Variants in LZTFL1 observed in about 807,000 individuals in gnomAD.
The protein encoded by LZTFL1 is leucine zipper transcription factor-like protein 1.
Under a neutral mutation model 45.9 loss-of-function variants are expected in LZTFL1, and 25 were observed. That is an observed-to-expected ratio of 0.54 (90% CI 0.40 to 0.76). LZTFL1 has a LOEUF of 0.76. Ranked by LOEUF, LZTFL1 falls within the 30% of genes least tolerant of loss-of-function variation. LZTFL1 has a pLI of 0.00. For missense variants in LZTFL1, 277 were observed against 331.1 expected (o/e 0.84, Z 1.27); for synonymous variants, 93 against 117.4 (o/e 0.79, Z 1.35).
chr3:45,894,054 C>T lies in LZTFL1; in HGVS notation c.-215+19066G>A, dbSNP rs182337599. Among the ~76,000 whole-genome samples, 7 of 152,254 alleles carry T rather than the reference C, an allele frequency of 4.6e-5. No homozygotes were observed. The East Asian group carries it at 1.3e-3, about 29-fold the overall frequency. On this transcript the variant is annotated intron_variant, in intron 2 of 4. Transcript: ENST00000472635. ...TGGACAGGTTTCCTTGAAATGTACTCGCTAAGGGTATAAAAGGAAATGCCC... is the reference window on the plus strand; with the variant it reads ...TGGACAGGTTTCCTTGAAATGTACTTGCTAAGGGTATAAAAGGAAATGCCC...
chr3:45,871,745 T>C (rs567102390), intron 2 of LZTFL1, among the ~76,000 whole-genome samples: 1 of 152,184 alleles, frequency 6.6e-6, no homozygotes, highest in Non-Finnish European at 1.5e-5. Context: ...CCCCAAAGAT[T>C]GCAAAGGCAA....
At chr3:45,885,359 T>C (rs1575288837) in intron 2 of LZTFL1, among the ~76,000 whole-genome samples, 2 of 152,236 alleles carry the variant, frequency 1.3e-5, no homozygotes, top group East Asian at 3.8e-4. Flanking sequence ...TAGCAGTGGA[T>C]GGGAAGACTT....
chr3:45,880,974 A>G (rs1701846950), intron 2 of LZTFL1, among the ~76,000 whole-genome samples: 1 of 152,228 alleles, frequency 6.6e-6, no homozygotes, highest in African/African-American at 2.4e-5. Flanking sequence ...CTTGACAAGT[A>G]CATGTTGAAT....
intron 2 of LZTFL1, among the ~76,000 whole-genome samples, chr3:45,865,997 A>C (rs1259441818): frequency 6.6e-6 from 1 of 152,270 alleles, no homozygotes; most frequent in Non-Finnish European, 1.5e-5. Flanking sequence ...ACGTGAATGC[A>C]TCTCAAAATG....
intron 2 of LZTFL1, among the ~76,000 whole-genome samples, chr3:45,899,262 C>T (rs1559425838): frequency 1.3e-5 from 2 of 152,172 alleles, no homozygotes; most frequent in East Asian, 1.9e-4. Context: ...AAGGAATATG[C>T]AAAGATTCTC....
chr3:45,897,640 T>C, intron 2 of LZTFL1: 1 of 1,527,668 alleles, frequency 6.5e-7, no homozygotes, highest in Non-Finnish European at 8.8e-7. Context: ...AGCCCAGGAC[T>C]AACACAGCTA....
chr3:45,906,616 T>C (rs1469187097), intron 2 of LZTFL1, among the ~76,000 whole-genome samples: 2 of 152,200 alleles, frequency 1.3e-5, no homozygotes, highest in African/African-American at 4.8e-5. Flanking sequence ...GACTCCCTTC[T>C]TCAAAAGTGC....
chr3:45,824,790 T>C lies in LZTFL1; in HGVS notation c.*1524A>G. The C allele has an allele frequency of 5.0e-6, 2 of 398,276 alleles. No individual in the cohort carries two copies. Among genetic ancestry groups the C allele is most frequent in the East Asian group, 3.6e-5 (1 of 28,046 alleles). 24.7% of individuals were successfully genotyped at this position (398,276 alleles called of 1,614,324 possible). ...AATGGATTTTTGGAGAGAGTGTCAA[T>C]TTAGGGCTAAAGAAATACAGGGTGA... On this transcript the variant is annotated 3_prime_UTR_variant, in exon 10 of 10. Transcript: ENST00000296135.
At chr3:45,904,122 AC>A (rs1249411313) in intron 2 of LZTFL1, among the ~76,000 whole-genome samples, 1 of 152,122 alleles carries the variant, frequency 6.6e-6, no homozygotes, top group African/African-American at 2.4e-5. Flanking sequence ...CTTTGTGTGG[AC>A]CTGTTCTGGT....
intron 2 of LZTFL1, among the ~76,000 whole-genome samples, chr3:45,899,803 G>A (rs1702486021): frequency 6.6e-6 from 1 of 152,144 alleles, no homozygotes; most frequent in African/African-American, 2.4e-5. Context: ...TCCCACCCCA[G>A]GTTTGACTCA....
intron 2 of LZTFL1, among the ~76,000 whole-genome samples, chr3:45,908,836 T>C (rs1702733005): frequency 6.6e-6 from 1 of 151,702 alleles, no homozygotes; most frequent in Non-Finnish European, 1.5e-5. Context: ...AATGCAGGGG[T>C]CCCCAACCCC....
intron 4 of LZTFL1, among the ~76,000 whole-genome samples, chr3:45,833,941 TG>T: frequency 6.6e-6 from 1 of 152,238 alleles, no homozygotes; most frequent in African/African-American, 2.4e-5. Context: ...CAGGTGTGGC[TG>T]ACCCTACAGC....
At chr3:45,907,870 C>T (rs1702711960) in intron 2 of LZTFL1, among the ~76,000 whole-genome samples, 2 of 152,182 alleles carry the variant, frequency 1.3e-5, no homozygotes, top group African/African-American at 4.8e-5. Flanking sequence ...AGGTACAGTG[C>T]CCAGAATGAG....
intron 2 of LZTFL1, among the ~76,000 whole-genome samples, chr3:45,895,473 G>A (rs566239101): frequency 2.9e-4 from 44 of 152,342 alleles, no homozygotes; most frequent in Non-Finnish European, 4.4e-4. Context: ...CACTTTGGGA[G>A]GCAGAGGCGG....
chr3:45,866,354 T>G (rs1701577664), intron 2 of LZTFL1, among the ~76,000 whole-genome samples: 1 of 152,112 alleles, frequency 6.6e-6, no homozygotes, highest in African/African-American at 2.4e-5. Flanking sequence ...TTTGAAATAA[T>G]GTAAAAATGA....
Position 45,824,512 on chromosome 3 carries a change from A to C in LZTFL1, c.*1802T>G, listed in dbSNP as rs1329753982. ...GCATAGTTGGTTTTAAGGTTTTAGA[A>C]ATATTTTTGAATTTATTATTAAACA... On this transcript the variant is annotated 3_prime_UTR_variant, in exon 10 of 10. Coordinates refer to ENST00000296135, the MANE Select transcript of LZTFL1 (RefSeq NM_020347.4). The C allele has an allele frequency of 4.0e-6, 1 of 251,752 alleles. No homozygotes were observed. Among genetic ancestry groups the C allele is most frequent in the Non-Finnish European group, 7.4e-6 (1 of 134,432 alleles). 15.6% of individuals were successfully genotyped at this position (251,752 alleles called of 1,614,324 possible). A position where few individuals can be genotyped will look rare whatever the true frequency, so the allele number is the denominator to read the frequency against.
intron 2 of LZTFL1, among the ~76,000 whole-genome samples, chr3:45,873,394 A>G (rs866285574): frequency 6.6e-6 from 1 of 152,246 alleles, no homozygotes; most frequent in Non-Finnish European, 1.5e-5. Flanking sequence ...ATAATTTATG[A>G]ACATTTCATT....
chr3:45,872,278 A>C (rs1224011620), intron 2 of LZTFL1, among the ~76,000 whole-genome samples: 2 of 152,184 alleles, frequency 1.3e-5, no homozygotes, highest in Non-Finnish European at 2.9e-5. Context: ...TATAAACCCC[A>C]AAGCGGGGCT....
chr3:45,852,861 T>C (rs978220264), intron 4 of LZTFL1, among the ~76,000 whole-genome samples: 4 of 152,236 alleles, frequency 2.6e-5, no homozygotes, highest in Admixed American at 1.3e-4. Flanking sequence ...ACCTTCTTTC[T>C]AAGAGCCAGT....
Sources: gnomAD v4.1 joint callset for allele counts (sites outside exome capture counted in the v4.1 genomes callset) on GRCh38, gnomAD v4.1.1 for gene constraint, MANE v1.5 for transcripts, NCBI Gene and HGNC (gene_info 2026-07-23, HGNC 2026-07-21) for gene names.